The following SLC35A5 variants were observed in gnomAD, a reference collection of about 807,000 sequenced individuals.
SLC35A5 encodes the protein solute carrier family 35 member A5, also known as UDP-sugar transporter protein SLC35A5.
Under a neutral mutation model 36.3 loss-of-function variants are expected in SLC35A5, and 28 were observed. The observed-to-expected ratio is 0.77, with a 90% CI of 0.57 to 1.06. The LOEUF (loss-of-function observed/expected upper bound fraction) is 1.06. Among genes scored for constraint, SLC35A5 ranks in the 50% least tolerant of loss-of-function variants. SLC35A5 has a pLI of 0.00. For missense variants in SLC35A5, 521 were observed against 499.3 expected (o/e 1.04, Z -0.41); for synonymous variants, 180 against 173.7 (o/e 1.04, Z -0.29).
In SLC35A5 at chr3:112,571,186, T is replaced by G. The variant is rs568486054; in HGVS notation, c.360+516T>G. Among the ~76,000 whole-genome samples the G allele has an allele frequency of 4.6e-5, 7 of 152,336 alleles. No homozygotes were observed. In the South Asian group the frequency reaches 6.2e-4, roughly 14 times the overall value. On this transcript the variant is annotated intron_variant, in intron 4 of 6. Transcript: ENST00000492406. ...AGGGTAGGGATCATGTCCTCCCAAC[T>G]AGAAATGCCATCTATAACTGATAAT...
chr3:112,575,852 CG>C (rs2107439125), intron 5 of SLC35A5, among the ~76,000 whole-genome samples: 1 of 150,578 alleles, frequency 6.6e-6, no homozygotes, highest in East Asian at 2.0e-4. Flanking sequence ...CTCCTCTTCC[CG>C]TCTTCAAGCA....
rs961400737 is a variant in SLC35A5 at position 112,565,090 on chromosome 3, C to T, written c.130+1557C>T. 3.3e-5 allele frequency among the ~76,000 whole-genome samples: 5 copies of T among 152,190 alleles called. 1 individual carries two copies. The highest frequency in any genetic ancestry group is 1.2e-4 in the African/African-American group (5 of 41,438). On this transcript the variant is annotated intron_variant, in intron 2 of 6. Coordinates refer to ENST00000492406, the MANE Select transcript of SLC35A5 (RefSeq NM_017945.5). ...CAGATGTGTACCCAAGTCTCTACTG[C>T]AGTTAACATTTACCTGCCAGGCACT...
chr3:112,576,416 C>T lies in SLC35A5; in HGVS notation c.428+2460C>T, dbSNP rs575413624. On this transcript the variant is annotated intron_variant, in intron 5 of 6. Coordinates refer to ENST00000492406, the MANE Select transcript of SLC35A5 (RefSeq NM_017945.5). ...TTGGGATTACAGGCGTGAGCCACCGCGTCCAGCCCATCTTAACAATTTTTA... is the reference window on the plus strand; with the variant it reads ...TTGGGATTACAGGCGTGAGCCACCGTGTCCAGCCCATCTTAACAATTTTTA... Among the ~76,000 whole-genome samples, 6 of 148,286 alleles carry T rather than the reference C, an allele frequency of 4.0e-5. No individual in the cohort carries two copies. In the East Asian group the frequency reaches 7.9e-4, roughly 20 times the overall value.
At chr3:112,561,592 G>A (rs1234475965), upstream of SLC35A5, 3 of 1,524,198 alleles carry the variant, frequency 2.0e-6, no homozygotes, top group African/African-American at 4.1e-5. Flanking sequence ...TCAGGGGCCA[G>A]GGAGTCAGAA....
chr3:112,576,674 T>C (rs998690191), intron 5 of SLC35A5, among the ~76,000 whole-genome samples: 26 of 152,222 alleles, frequency 1.7e-4, no homozygotes, highest in African/African-American at 5.8e-4. Context: ...CTTATTTCAC[T>C]TAGCTTAGCA....
chr3:112,563,445 G>T lies in SLC35A5; in HGVS notation c.42G>T (p.Leu14Phe). Residue 14 changes from leucine (L) to phenylalanine (F), a missense_variant, in exon 2 of 7, where the codon TTG (leucine) becomes TTT (phenylalanine). Physicochemically the swap from Leu to Phe is conservative, Grantham distance 22 (BLOSUM62 0). Coordinates refer to ENST00000492406, the MANE Select transcript of SLC35A5 (RefSeq NM_017945.5). ...QCCSHPVICS[L>F]STMYTFLLGA... ...GTAGTCATCCTGTAATATGCTCCTT[G>T]TCAACAATGTATACATTCCTGCTAG... 1 of 1,593,884 alleles carries T rather than the reference G, an allele frequency of 6.3e-7. No homozygotes were observed.
chr3:112,576,069 T>G (rs1934656977), intron 5 of SLC35A5, among the ~76,000 whole-genome samples: 1 of 151,992 alleles, frequency 6.6e-6, no homozygotes, highest in South Asian at 2.1e-4. Flanking sequence ...CTTATTACAT[T>G]TTTTAACTCT....
chr3:112,566,572 C>G (rs1352232911), intron 2 of SLC35A5, among the ~76,000 whole-genome samples: 2 of 152,042 alleles, frequency 1.3e-5, no homozygotes, highest in African/African-American at 4.8e-5. Flanking sequence ...AAGGAGACAT[C>G]ATTAGCGAGA....
chr3:112,580,650 G>A lies in SLC35A5; in HGVS notation c.533G>A (p.Arg178His), dbSNP rs775489012. The stretch of plus-strand genomic sequence containing the variant: ...ACTTTACAGCACAACTTGGCAGGAC[G>A]TGGATTTCATCACGATGCCTTTTTC... ...TKTLQHNLAG[R>H]GFHHDAFFSP... The change falls in exon 6 of 7, where the codon CGT becomes CAT. Residue 178 changes from arginine (R) to histidine (H), a missense_variant. By Grantham distance (29) the Arg-to-His change is conservative. Coordinates refer to ENST00000492406, the MANE Select transcript of SLC35A5 (RefSeq NM_017945.5). 16 of 1,614,114 alleles carry A rather than the reference G, an allele frequency of 9.9e-6. No homozygotes were observed. Among genetic ancestry groups the A allele is most frequent in the East Asian group, 4.5e-5 (2 of 44,886 alleles).
Position 112,563,501 on chromosome 3 carries a change from G to T in SLC35A5, c.98G>T (p.Arg33Leu). ...GAIFIALSSS[R>L]ILLVKYSANE... ...ATATTCATTGCTTTAAGCTCAAGTC[G>T]CATCTTACTAGTGAAGTATTCTGCC... The change falls in exon 2 of 7, where the codon CGC becomes CTC. Residue 33 changes from arginine (R) to leucine (L), a missense_variant. Coordinates refer to ENST00000492406, the MANE Select transcript of SLC35A5 (RefSeq NM_017945.5). 6.2e-7 allele frequency: 1 copy of T among 1,604,882 alleles called. No individual in the cohort carries two copies. The highest frequency in any genetic ancestry group is 8.5e-7 in the Non-Finnish European group (1 of 1,173,276).
At chr3:112,566,248 G>A (rs768516278) in intron 2 of SLC35A5, among the ~76,000 whole-genome samples, 14 of 152,184 alleles carry the variant, frequency 9.2e-5, no homozygotes, top group Non-Finnish European at 1.8e-4. Context: ...AGTAGGTTGG[G>A]CAGAGTTTGA....
intron 5 of SLC35A5, among the ~76,000 whole-genome samples, chr3:112,580,129 GA>G (rs1302088007): frequency 3.3e-5 from 5 of 152,098 alleles, no homozygotes; most frequent in Admixed American, 3.3e-4. Flanking sequence ...TGCATAGGGG[GA>G]AATTCATCTG....
In SLC35A5 at chr3:112,569,102, A is replaced by G. The variant is rs1934320143; in HGVS notation, c.131-69A>G. The G allele has an allele frequency of 3.2e-6, 4 of 1,243,660 alleles. No homozygotes were observed. In the East Asian group the frequency reaches 1.0e-4, roughly 31 times the overall value. The allele number at this position is 1,243,660 out of a possible 1,614,324, so 77.0% of individuals were successfully genotyped here. A position where few individuals can be genotyped will look rare whatever the true frequency, so the allele number is the denominator to read the frequency against. The stretch of plus-strand genomic sequence containing the variant: ...CCAGCTTTTAAATTTTAAAACAATT[A>G]TGTTATACTGTATATAAACATACAT... On this transcript the variant is annotated intron_variant, in intron 2 of 6. Transcript: ENST00000492406.
Position 112,573,927 on chromosome 3 carries a change from A to C in SLC35A5, c.399A>C (p.Thr133=), listed in dbSNP as rs1248217444. ...TCTTCTCAAATTTTAGCATTATAAC[A>C]ACAGCTCTTCTATTCAGGATAGTGC... ...AVIFSNFSII[T]TALLFRIVLK... The change falls in exon 5 of 7, where the codon ACA becomes ACC. Residue 133 remains threonine (T), a synonymous_variant. Transcript: ENST00000492406. The C allele has an allele frequency of 6.2e-7, 1 of 1,613,544 alleles. No homozygotes were observed. The highest frequency in any genetic ancestry group is 1.3e-5 in the African/African-American group (1 of 74,920).
rs1342247947 is a variant in SLC35A5, at chr3:112,562,181, AC to A, written c.-109del. On this transcript the variant is annotated 5_prime_UTR_variant, in exon 1 of 7. An upstream open reading frame in the 5' UTR loses its in-frame stop. Coordinates refer to ENST00000492406, the MANE Select transcript of SLC35A5 (RefSeq NM_017945.5). ...CCTACTGTAGCTTCTCCACGTATGG[AC>A]CCTAAAGGCTACTGCTGCTACTACG... 1 of 153,124 alleles carries A rather than the reference AC, an allele frequency of 6.5e-6. No homozygotes were observed. Among genetic ancestry groups the A allele is most frequent in the African/African-American group, 2.4e-5 (1 of 41,424 alleles). The allele number at this position is 153,124 out of a possible 1,614,324, so 9.5% of individuals were successfully genotyped here. A position where few individuals can be genotyped will look rare whatever the true frequency, so the allele number is the denominator to read the frequency against.
intron 2 of SLC35A5, chr3:112,564,446 A>G (rs1576741342): frequency 6.6e-6 from 1 of 152,264 alleles, no homozygotes; most frequent in South Asian, 2.1e-4. Context: ...TGTTGCCCGC[A>G]TGTCCCACCT....
chr3:112,576,202 A>G (rs528110949), intron 5 of SLC35A5, among the ~76,000 whole-genome samples: 2 of 151,604 alleles, frequency 1.3e-5, no homozygotes, highest in South Asian at 2.1e-4. Flanking sequence ...ATCTCAGCTC[A>G]CTGCAACCTC....
At position 112,581,024 on chromosome 3, in the gene SLC35A5, A is replaced by G; in HGVS notation, c.907A>G (p.Ser303Gly). 1 of 1,614,110 alleles carries G rather than the reference A, an allele frequency of 6.2e-7. No individual in the cohort carries two copies. Among genetic ancestry groups the G allele is most frequent in the South Asian group, 1.1e-5 (1 of 91,082 alleles). The stretch of plus-strand genomic sequence containing the variant: ...GAACTGTGGATTTTTTTATGGCCAC[A>G]GTGCATTTTCAGTAGCCCTTATTTT... ...IKNCGFFYGH[S>G]AFSVALIFVT... Residue 303 changes from serine to glycine, a missense_variant, in exon 6 of 7, where the codon AGT becomes GGT. By Grantham distance (56) the Ser-to-Gly change is moderately conservative (BLOSUM62 0). Transcript: ENST00000492406.
intron 2 of SLC35A5, 112 bp downstream of exon 2, chr3:112,563,645 G>A: frequency 1.8e-6 from 2 of 1,129,976 alleles, no homozygotes; most frequent in Non-Finnish European, 2.3e-6. Flanking sequence ...TTTGCTTCAT[G>A]TGAGTGATAA....
Sources: allele counts gnomAD v4.1 joint callset (sites outside exome capture counted in the v4.1 genomes callset), GRCh38; gene constraint gnomAD v4.1.1; transcripts MANE v1.5; gene names NCBI Gene and HGNC (gene_info 2026-07-23, HGNC 2026-07-21).